ZBED6: variants seen among roughly 807,000 people sequenced by gnomAD.
ZBED6 encodes zinc finger BED domain-containing protein 6.
A neutral mutation model predicts 58.4 loss-of-function variants in ZBED6; 40 were observed. That is an observed-to-expected ratio of 0.68 (90% CI 0.53 to 0.89). ZBED6 has a LOEUF of 0.89. Among genes scored for constraint, ZBED6 ranks in the 40% least tolerant of loss-of-function variants. The pLI is 0.00. For synonymous variants in ZBED6, 439 were observed against 350.6 expected, an observed-to-expected ratio of 1.25 and a Z score of -2.82; for missense variants, 1,057 against 1,003.9, an observed-to-expected ratio of 1.05 and a Z score of -0.71.
intron 16 of ZBED6, 69 bp downstream of exon 16, chr1:203,851,193 A>G: frequency 7.4e-7 from 1 of 1,357,684 alleles, no homozygotes. Context: ...CTAGAGAATA[A>G]CACTGATAAA....
chr1:203,800,303 A>C, exon 1 of ZBED6: 1 of 908,522 alleles, frequency 1.1e-6, no homozygotes, highest in Non-Finnish European at 1.7e-6. Context: ...ACTTTCATCC[A>C]AAACAGATCA....
chr1:203,820,758 G>A (rs940291261), intron 3 of ZBED6, among the ~76,000 whole-genome samples: 3 of 152,042 alleles, frequency 2.0e-5, no homozygotes, highest in East Asian at 3.9e-4. Context: ...GAGATTACAG[G>A]TGTGAGCCAC....
At chr1:203,797,705 AAAG>A (rs1462428665) in exon 1 of ZBED6, 3 of 1,534,930 alleles carry the variant, frequency 2.0e-6, no homozygotes, top group African/African-American at 2.7e-5. Context: ...AGCCTGCTAA[AAAG>A]AAAAGAAAGA....
Position 203,806,171 on chromosome 1 carries a change from C to T in ZBED6, c.*2554+3155C>T, listed in dbSNP as rs567829520. ...TCAGCATCCAATCTAGAAATCTTGT[C>T]AGTGGATTCTGCCCTGCTGTCCACC... On this transcript the variant is annotated intron_variant, in intron 1 of 16. Coordinates refer to ENST00000550078, the Ensembl canonical transcript of ZBED6. 315 of 493,754 alleles carry T rather than the reference C, an allele frequency of 6.4e-4. 5 individuals are homozygous for T. Among genetic ancestry groups the T allele is most frequent in the South Asian group, 4.0e-3 (257 of 64,806 alleles). 30.6% of individuals were successfully genotyped at this position (493,754 alleles called of 1,614,324 possible). A position where few individuals can be genotyped will look rare whatever the true frequency, so the allele number is the denominator to read the frequency against.
intron 11 of ZBED6, among the ~76,000 whole-genome samples, chr1:203,846,757 T>A (rs1016926059): frequency 2.6e-5 from 4 of 152,242 alleles, no homozygotes; most frequent in African/African-American, 9.6e-5. Flanking sequence ...AAGAATAAGC[T>A]TCTGAATAGA....
Position 203,848,399 on chromosome 1 carries a change from G to A in ZBED6, c.*4314G>A, listed in dbSNP as rs146745298. 7.7e-5 allele frequency: 123 copies of A among 1,606,326 alleles called. 1 individual carries two copies. The African/African-American group carries it at 1.6e-3, about 20-fold the overall frequency. Reference sequence around the variant, plus strand: ...TTCTCAGAGCAGTATTAGAACAGAAGCTAAAGAGGTAAATTTAAGATTATT... The same window carrying A: ...TTCTCAGAGCAGTATTAGAACAGAAACTAAAGAGGTAAATTTAAGATTATT... On this transcript the variant is annotated 3_prime_UTR_variant, in exon 13 of 17. Transcript: ENST00000550078.
intron 1 of ZBED6, among the ~76,000 whole-genome samples, chr1:203,811,075 A>G: frequency 6.8e-6 from 1 of 147,900 alleles, no homozygotes; most frequent in Non-Finnish European, 1.5e-5. Flanking sequence ...CAGAAGGTGG[A>G]GGTTGCAATG....
chr1:203,800,969 C>T (rs1266610941), exon 1 of ZBED6: 2 of 152,286 alleles, frequency 1.3e-5, no homozygotes, highest in Non-Finnish European at 2.9e-5. Flanking sequence ...CTAATTGCCT[C>T]CTCATACTGG....
exon 14 of ZBED6, chr1:203,849,772 T>C: frequency 6.2e-7 from 1 of 1,613,780 alleles, no homozygotes; most frequent in Non-Finnish European, 8.5e-7. Context: ...TGTGAGACCA[T>C]GAGAGAGAAG....
At chr1:203,836,560 C>G (rs575121667) in intron 9 of ZBED6, among the ~76,000 whole-genome samples, 1 of 152,258 alleles carries the variant, frequency 6.6e-6, no homozygotes, top group African/African-American at 2.4e-5. Flanking sequence ...CCGGCCTGAT[C>G]AACATGGTGA....
chr1:203,805,881 T>A, intron 1 of ZBED6: 1 of 774,282 alleles, frequency 1.3e-6, no homozygotes. Flanking sequence ...GCTGGTCTTG[T>A]AAATTCTCAA....
intron 1 of ZBED6, chr1:203,806,323 A>G (rs1672329393): frequency 4.3e-6 from 1 of 234,116 alleles, no homozygotes; most frequent in South Asian, 4.8e-5. Flanking sequence ...TTTTTTTGAG[A>G]CGGAGTCTCG....
At chr1:203,827,332 T>C (rs1408337631) in intron 3 of ZBED6, among the ~76,000 whole-genome samples, 3 of 152,046 alleles carry the variant, frequency 2.0e-5, no homozygotes, top group African/African-American at 7.2e-5. Flanking sequence ...TTTATTCTAT[T>C]CTAGATGCAC....
intron 7 of ZBED6, 86 bp downstream of exon 7, chr1:203,830,289 G>A: frequency 9.8e-7 from 1 of 1,019,016 alleles, no homozygotes; most frequent in East Asian, 2.4e-5. Flanking sequence ...GCCAAAATGA[G>A]CAAATAGATT....
chr1:203,810,976 CA>C (rs879833403), intron 1 of ZBED6, among the ~76,000 whole-genome samples: 3,487 of 111,288 alleles, frequency 0.031, 88 homozygotes, highest in African/African-American at 0.095. Context: ...ACTAAAAATA[CA>C]AAAAAAAAAA....
At chr1:203,797,690 A>G in exon 1 of ZBED6, 1 of 1,535,624 alleles carries the variant, frequency 6.5e-7, no homozygotes, top group East Asian at 2.4e-5. Context: ...ATAAAGAGGC[A>G]AAACAGCCTG....
exon 17 of ZBED6, chr1:203,854,081 G>A (rs745645181): frequency 6.6e-6 from 1 of 152,608 alleles, no homozygotes; most frequent in Non-Finnish European, 1.5e-5. Flanking sequence ...TACAGAAAGA[G>A]AAATACTTGT....
At chr1:203,839,050 T>A (rs1448183309) in intron 10 of ZBED6, among the ~76,000 whole-genome samples, 1 of 151,570 alleles carries the variant, frequency 6.6e-6, no homozygotes, top group Admixed American at 6.6e-5. Context: ...GCCTGCAATA[T>A]GGAGACAGAT....
intron 1 of ZBED6, among the ~76,000 whole-genome samples, chr1:203,815,189 A>G (rs181084535): frequency 2.1e-3 from 260 of 125,794 alleles, no homozygotes; most frequent in Middle Eastern, 0.018. Context: ...TCTAGATGTT[A>G]TTTCATTATT....
Sources: gnomAD v4.1 joint callset for allele counts (sites outside exome capture counted in the v4.1 genomes callset) on GRCh38, gnomAD v4.1.1 for gene constraint, MANE v1.5 for transcripts, NCBI Gene and HGNC (gene_info 2026-07-23, HGNC 2026-07-21) for gene names.